Variants in FSTL4 observed in about 807,000 individuals in gnomAD.
FSTL4 encodes the protein follistatin like 4.
In FSTL4, 28 loss-of-function variants were observed where a neutral mutation model predicts 78.2. The ratio of observed to expected loss-of-function variants is 0.36; its 90% confidence interval spans 0.27 to 0.49. The LOEUF (loss-of-function observed/expected upper bound fraction) is 0.49, where lower values mean the gene tolerates loss of function less well. Ranked by LOEUF, FSTL4 falls within the 20% of genes least tolerant of loss-of-function variation. The pLI, the probability that FSTL4 is intolerant of heterozygous loss-of-function variation, is 0.98. For missense variants in FSTL4, 922 were observed against 1,084.9 expected (o/e 0.85, Z 2.11); for synonymous variants, 422 against 440.5 (o/e 0.96, Z 0.53).
At chr5:133,653,037 G>A in the FSTL4 span, among the ~76,000 whole-genome samples, 1 of 152,248 alleles carries the variant, frequency 6.6e-6, no homozygotes, top group East Asian at 1.9e-4. Flanking sequence ...CCTTGTGAGT[G>A]TCAGCCAAAC....
the FSTL4 span, among the ~76,000 whole-genome samples, chr5:133,624,070 T>C: frequency 4.6e-5 from 7 of 151,942 alleles, no homozygotes; most frequent in Non-Finnish European, 1.0e-4. Context: ...AAACATAAAA[T>C]GGTCATATGA....
intron 3 of FSTL4, among the ~76,000 whole-genome samples, chr5:133,405,710 C>T (rs1170856239): frequency 1.3e-5 from 2 of 152,228 alleles, no homozygotes; most frequent in African/African-American, 4.8e-5. Flanking sequence ...GGTCCAGGGA[C>T]AGAGAGTGCC....
chr5:133,828,233 G>T, the FSTL4 span, among the ~76,000 whole-genome samples: 1 of 152,276 alleles, frequency 6.6e-6, no homozygotes, highest in Middle Eastern at 3.4e-3. Flanking sequence ...CACCAGGGCT[G>T]GGAAGGGAAA....
rs1760352278 is a variant in FSTL4 at position 133,579,302 on chromosome 5, A to G, written c.127-12083T>C. Among the ~76,000 whole-genome samples the G allele has an allele frequency of 2.6e-5, 4 of 152,208 alleles. No individual in the cohort carries two copies. The South Asian group carries it at 8.3e-4, about 32-fold the overall frequency. On this transcript the variant is annotated intron_variant, in intron 2 of 15. Transcript: ENST00000265342. ...ATCTCCTGGTAAGAATATGGAGGTG[A>G]GTGCAGTTTCCCAGCTGGCTCACGG...
At chr5:133,364,461 T>TAA (rs1364812187) in intron 4 of FSTL4, among the ~76,000 whole-genome samples, 5 of 152,178 alleles carry the variant, frequency 3.3e-5, no homozygotes, top group Admixed American at 6.5e-5. Flanking sequence ...AGGGGCCTCT[T>TAA]ACACCTGCTG....
At chr5:133,539,988 C>T (rs1468486220) in intron 3 of FSTL4, among the ~76,000 whole-genome samples, 1 of 150,280 alleles carries the variant, frequency 6.7e-6, no homozygotes, top group African/African-American at 2.5e-5. Context: ...ATTTTAATAG[C>T]GACACTTTGA....
At chr5:133,537,783 CA>C (rs1554069394) in intron 3 of FSTL4, among the ~76,000 whole-genome samples, 5 of 149,126 alleles carry the variant, frequency 3.4e-5, no homozygotes, top group Non-Finnish European at 5.9e-5. Context: ...TTCTCTCTCA[CA>C]TATATATATA....
chr5:133,309,977 A>G (rs537156496), intron 6 of FSTL4, among the ~76,000 whole-genome samples: 1 of 152,338 alleles, frequency 6.6e-6, no homozygotes, highest in African/African-American at 2.4e-5. Flanking sequence ...GATTTCTTTA[A>G]TGCCCATCGA....
intron 4 of FSTL4, among the ~76,000 whole-genome samples, chr5:133,329,852 C>T (rs568983285): frequency 4.6e-5 from 7 of 152,308 alleles, no homozygotes; most frequent in South Asian, 4.1e-4. Context: ...GTCTCACTCA[C>T]GGCAGCAAAA....
chr5:133,396,987 C>T (rs1477287065), intron 4 of FSTL4, among the ~76,000 whole-genome samples: 1 of 152,158 alleles, frequency 6.6e-6, no homozygotes, highest in Non-Finnish European at 1.5e-5. Context: ...TAAAACAGAA[C>T]CTCTAACAGT....
At chr5:133,396,091 C>T (rs939911531) in intron 4 of FSTL4, among the ~76,000 whole-genome samples, 4 of 152,186 alleles carry the variant, frequency 2.6e-5, no homozygotes, top group African/African-American at 7.2e-5. Context: ...CTTCTCTCCC[C>T]TCATTCACAG....
chr5:133,321,277 T>G (rs1049413778), intron 4 of FSTL4, among the ~76,000 whole-genome samples: 1 of 152,206 alleles, frequency 6.6e-6, no homozygotes, highest in Non-Finnish European at 1.5e-5. Context: ...TGTATTCATC[T>G]TGGCCTCTGC....
chr5:133,595,838 C>T (rs551423376), intron 2 of FSTL4, among the ~76,000 whole-genome samples: 3 of 152,280 alleles, frequency 2.0e-5, no homozygotes, highest in African/African-American at 7.2e-5. Flanking sequence ...CTGGAGAGGG[C>T]GATTCCCTTA....
intron 3 of FSTL4, among the ~76,000 whole-genome samples, chr5:133,445,904 T>C (rs1005100748): frequency 6.6e-6 from 1 of 152,200 alleles, no homozygotes; most frequent in East Asian, 1.9e-4. Flanking sequence ...ATAATTTACA[T>C]ACAGGAGCAG....
At chr5:133,808,612 C>G in the FSTL4 span, among the ~76,000 whole-genome samples, 6 of 152,202 alleles carry the variant, frequency 3.9e-5, no homozygotes, top group Non-Finnish European at 8.8e-5. Context: ...AGTATGCTAT[C>G]TTGGCTTGTT....
chr5:133,703,946 G>A, the FSTL4 span, among the ~76,000 whole-genome samples: 3 of 152,172 alleles, frequency 2.0e-5, no homozygotes, highest in Non-Finnish European at 2.9e-5. Flanking sequence ...ATTTTCCATT[G>A]AGAGGCAATA....
rs1415872515 is a variant in FSTL4 at position 133,213,392 on chromosome 5, AC to A, written c.1609-3095del. 2.0e-5 allele frequency among the ~76,000 whole-genome samples: 3 copies of A among 152,232 alleles called. No homozygotes were observed. The East Asian group carries it at 5.8e-4, about 29-fold the overall frequency. On this transcript the variant is annotated intron_variant, in intron 13 of 15. Transcript: ENST00000265342. ...ATCTTCAAGCAAAGTTGGTGTTAGAACTATTCAGGAATTAATGGCAAATGTG... is the reference window on the plus strand; with the variant it reads ...ATCTTCAAGCAAAGTTGGTGTTAGAATATTCAGGAATTAATGGCAAATGTG...
intron 3 of FSTL4, among the ~76,000 whole-genome samples, chr5:133,504,349 CAT>C (rs976175775): frequency 3.3e-4 from 50 of 152,284 alleles, no homozygotes; most frequent in African/African-American, 1.2e-3. Flanking sequence ...GCTCCTCAAA[CAT>C]AGGGAAAAAT....
At chr5:133,245,414 AT>A (rs1044747117) in intron 7 of FSTL4, among the ~76,000 whole-genome samples, 12 of 152,198 alleles carry the variant, frequency 7.9e-5, no homozygotes, top group African/African-American at 2.9e-4. Flanking sequence ...CCCATCAAAC[AT>A]CTGCGCTTCC....
Sources: allele counts gnomAD v4.1 joint callset (sites outside exome capture counted in the v4.1 genomes callset), GRCh38; gene constraint gnomAD v4.1.1; transcripts MANE v1.5; gene names NCBI Gene and HGNC (gene_info 2026-07-23, HGNC 2026-07-21).